CHST8: variants seen among roughly 807,000 people sequenced by gnomAD.
The protein encoded by CHST8 is GALNAC-4-ST1.
In CHST8, 10 loss-of-function variants were observed where a neutral mutation model predicts 15.0. The ratio of observed to expected loss-of-function variants is 0.67; its 90% confidence interval spans 0.41 to 1.13. The LOEUF is 1.13. Ranked by LOEUF, CHST8 falls within the 50% of genes most tolerant of loss-of-function variation. The probability of loss-of-function intolerance (pLI) is 0.00; values close to 1 mark genes in which losing one functional copy is unlikely to be tolerated. For missense variants in CHST8, 634 were observed against 608.2 expected, an observed-to-expected ratio of 1.04 and a Z score of -0.45; for synonymous variants, 259 against 256.6, an observed-to-expected ratio of 1.01 and a Z score of -0.09.
rs561163743 is a variant in CHST8 at position 33,622,735 on chromosome 19, G to A, written c.-164+439G>A. Among the ~76,000 whole-genome samples the A allele has an allele frequency of 2.0e-5, 3 of 152,252 alleles. No homozygotes were observed. The South Asian group carries it at 6.2e-4, about 32-fold the overall frequency. ...GCGCTCGGAGCCGGGGCTCCGGACG[G>A]GTTGCGGCGGGCAGAGACTATGGGG... On this transcript the variant is annotated intron_variant, in intron 1 of 4. Coordinates refer to ENST00000650847, the MANE Select transcript of CHST8 (RefSeq NM_001127895.2).
chr19:33,678,767 G>A (rs1972844238), intron 2 of CHST8, among the ~76,000 whole-genome samples: 1 of 152,086 alleles, frequency 6.6e-6, no homozygotes, highest in South Asian at 2.1e-4. Context: ...AAAAGATATT[G>A]GAGGTTACCC....
chr19:33,699,003 C>T (rs1333070600), intron 3 of CHST8, among the ~76,000 whole-genome samples: 1 of 152,216 alleles, frequency 6.6e-6, no homozygotes, highest in Non-Finnish European at 1.5e-5. Flanking sequence ...ATCTACTCCA[C>T]ATTTCCAGGC....
chr19:33,652,180 T>C (rs1213113309), intron 1 of CHST8, among the ~76,000 whole-genome samples: 1 of 151,614 alleles, frequency 6.6e-6, no homozygotes, highest in Admixed American at 6.6e-5. Flanking sequence ...CCATCAATGC[T>C]TTTTTTTGGC....
Position 33,750,306 on chromosome 19 carries a change from G to A in CHST8, c.131-21107G>A, listed in dbSNP as rs117522265. Among the ~76,000 whole-genome samples, 441 of 152,294 alleles carry A rather than the reference G, an allele frequency of 2.9e-3. 23 individuals are homozygous for A. The East Asian group carries it at 0.076, about 26-fold the overall frequency. ...CTGCTCCAGCCTCTCCTAACTAGCC[G>A]TCTGCTATAGGGGCTGTGGTCACCA... is the stretch of plus-strand genomic sequence containing the variant. On this transcript the variant is annotated intron_variant, in intron 3 of 4. Transcript: ENST00000650847.
intron 1 of CHST8, among the ~76,000 whole-genome samples, chr19:33,636,395 G>A (rs1701258433): frequency 6.6e-6 from 1 of 152,130 alleles, no homozygotes; most frequent in African/African-American, 2.4e-5. Flanking sequence ...CAACCTGGCG[G>A]CTTCAGGCTT....
intron 1 of CHST8, among the ~76,000 whole-genome samples, chr19:33,657,752 G>T (rs201867334): frequency 1.3e-5 from 2 of 151,822 alleles, no homozygotes; most frequent in Non-Finnish European, 2.9e-5. Flanking sequence ...AATTATTTTC[G>T]CAGAGACATG....
chr19:33,690,903 G>A (rs964859136), intron 3 of CHST8, among the ~76,000 whole-genome samples: 12 of 152,336 alleles, frequency 7.9e-5, no homozygotes, highest in African/African-American at 2.9e-4. Flanking sequence ...GCGAGCAAAC[G>A]CTGACTGGGT....
chr19:33,686,859 A>G (rs1310388666), intron 2 of CHST8, among the ~76,000 whole-genome samples: 2 of 152,170 alleles, frequency 1.3e-5, no homozygotes. Context: ...GCATGTATGC[A>G]TATGTGTGTT....
chr19:33,720,619 A>G (rs1306237016), intron 3 of CHST8, among the ~76,000 whole-genome samples: 2 of 152,230 alleles, frequency 1.3e-5, no homozygotes, highest in Non-Finnish European at 2.9e-5. Flanking sequence ...GTGGAGGGGC[A>G]GCCCTTTTCT....
intron 3 of CHST8, among the ~76,000 whole-genome samples, chr19:33,726,710 C>T (rs1010258793): frequency 6.6e-6 from 1 of 152,092 alleles, no homozygotes; most frequent in African/African-American, 2.4e-5. Flanking sequence ...GAACTCCAGA[C>T]ATGGCGAGGA....
intron 1 of CHST8, among the ~76,000 whole-genome samples, chr19:33,658,275 G>C (rs1305595505): frequency 6.6e-6 from 1 of 152,210 alleles, no homozygotes; most frequent in South Asian, 2.1e-4. Flanking sequence ...GGGAGGCGGA[G>C]ATTGCAGTGA....
At chr19:33,643,634 T>A (rs950822361) in intron 1 of CHST8, among the ~76,000 whole-genome samples, 2 of 152,234 alleles carry the variant, frequency 1.3e-5, no homozygotes, top group Non-Finnish European at 2.9e-5. Flanking sequence ...ATTCCTGTGT[T>A]AACTAGGGCC....
At chr19:33,643,464 T>A (rs948940449) in intron 1 of CHST8, among the ~76,000 whole-genome samples, 1 of 152,238 alleles carries the variant, frequency 6.6e-6, no homozygotes, top group Non-Finnish European at 1.5e-5. Context: ...ATGACTCTTC[T>A]AGCCATTTCC....
intron 3 of CHST8, among the ~76,000 whole-genome samples, chr19:33,691,603 C>T (rs10412741): frequency 0.032 from 4,868 of 152,192 alleles, 283 homozygotes; most frequent in African/African-American, 0.11. Flanking sequence ...ACATTTTCTT[C>T]TGATCTTTCA....
chr19:33,709,965 C>T (rs936657247), intron 3 of CHST8, among the ~76,000 whole-genome samples: 9 of 152,168 alleles, frequency 5.9e-5, no homozygotes, highest in African/African-American at 1.9e-4. Context: ...CATGCCACTA[C>T]ACCTGGCTCC....
Position 33,724,475 on chromosome 19 carries a change from C to T in CHST8, c.130+35084C>T, listed in dbSNP as rs893740446. Among the ~76,000 whole-genome samples the T allele has an allele frequency of 6.7e-5, 10 of 148,638 alleles. No individual in the cohort carries two copies. The East Asian group carries it at 1.2e-3, about 17-fold the overall frequency. On this transcript the variant is annotated intron_variant, in intron 3 of 4. Coordinates refer to ENST00000650847, the MANE Select transcript of CHST8 (RefSeq NM_001127895.2). ...TAAGCAGTTCTGTAAAGTGTGGCTGCGGGGCTGGCAGCCGGGCTGCTCTTC... is the reference window on the plus strand; with the variant it reads ...TAAGCAGTTCTGTAAAGTGTGGCTGTGGGGCTGGCAGCCGGGCTGCTCTTC...
At chr19:33,657,155 AC>A (rs1972519100) in intron 1 of CHST8, among the ~76,000 whole-genome samples, 5 of 147,028 alleles carry the variant, frequency 3.4e-5, no homozygotes, top group Non-Finnish European at 5.9e-5. Context: ...ACACACACAC[AC>A]AAACACACAT....
chr19:33,684,941 C>A (rs1012167312), intron 2 of CHST8: 4 of 152,268 alleles, frequency 2.6e-5, no homozygotes, highest in African/African-American at 4.8e-5. Context: ...AGCCCTCAGC[C>A]GGGAGGGACG....
At chr19:33,635,383 C>CA (rs2145440466) in intron 1 of CHST8, among the ~76,000 whole-genome samples, 1 of 152,154 alleles carries the variant, frequency 6.6e-6, no homozygotes, top group South Asian at 2.1e-4. Context: ...GTTTTGAGAC[C>CA]CAGTCACTGC....
Sources: allele counts gnomAD v4.1 joint callset (sites outside exome capture counted in the v4.1 genomes callset), GRCh38; gene constraint gnomAD v4.1.1; transcripts MANE v1.5; gene names NCBI Gene and HGNC (gene_info 2026-07-23, HGNC 2026-07-21).